Variants in PAK5 observed in about 807,000 individuals in gnomAD.
The protein encoded by PAK5 is p21 (RAC1) activated kinase 5.
In PAK5, 16 loss-of-function variants were observed where a neutral mutation model predicts 65.9. That is an observed-to-expected ratio of 0.24 (90% CI 0.16 to 0.37). The LOEUF is 0.37. PAK5 is among the 10% of genes least tolerant of loss of function. PAK5 has a pLI of 1.00. For missense variants in PAK5, 785 were observed against 903.9 expected (o/e 0.87, Z 1.69); for synonymous variants, 371 against 354.9 (o/e 1.05, Z -0.51).
chr20:9,699,761 A>T (rs903698703), intron 2 of PAK5, among the ~76,000 whole-genome samples: 2 of 152,016 alleles, frequency 1.3e-5, no homozygotes, highest in African/African-American at 2.4e-5. Context: ...AAAGTGAAAT[A>T]TCGTGTCACA....
At chr20:9,796,355 C>T (rs998465854) in intron 1 of PAK5, among the ~76,000 whole-genome samples, 1 of 151,842 alleles carries the variant, frequency 6.6e-6, no homozygotes, top group Non-Finnish European at 1.5e-5. Flanking sequence ...TGAAAAAAAG[C>T]CAGGCTGCAA....
chr20:9,630,564 T>C (rs371274190), intron 3 of PAK5, among the ~76,000 whole-genome samples: 1 of 152,220 alleles, frequency 6.6e-6, no homozygotes, highest in Non-Finnish European at 1.5e-5. Flanking sequence ...TCAGGAATAC[T>C]GGCCACTTGG....
chr20:9,692,139 T>G (rs915100262), intron 2 of PAK5, among the ~76,000 whole-genome samples: 2 of 152,228 alleles, frequency 1.3e-5, no homozygotes, highest in Non-Finnish European at 2.9e-5. Flanking sequence ...CTCACTCTGA[T>G]AGAGTACTTG....
chr20:9,587,980 G>A (rs565169863), intron 3 of PAK5, among the ~76,000 whole-genome samples: 4 of 152,060 alleles, frequency 2.6e-5, no homozygotes, highest in East Asian at 3.9e-4. Context: ...CGCTAAGTAC[G>A]TTTACACTAT....
At chr20:9,833,752 A>C (rs1978927801) in intron 1 of PAK5, among the ~76,000 whole-genome samples, 1 of 152,238 alleles carries the variant, frequency 6.6e-6, no homozygotes, top group African/African-American at 2.4e-5. Context: ...TAACCGTTTC[A>C]TAATATTCAT....
At chr20:9,781,873 T>C (rs1015013580) in intron 1 of PAK5, among the ~76,000 whole-genome samples, 1 of 152,156 alleles carries the variant, frequency 6.6e-6, no homozygotes, top group Admixed American at 6.5e-5. Context: ...TATAAATGTA[T>C]TGGAACAGGT....
At chr20:9,771,125 T>C (rs1600353330) in intron 1 of PAK5, among the ~76,000 whole-genome samples, 1 of 152,316 alleles carries the variant, frequency 6.6e-6, no homozygotes, top group Middle Eastern at 3.4e-3. Flanking sequence ...GGAAAGCTCC[T>C]ATAATTTATC....
At chr20:9,629,134 TG>T (rs1425706188) in intron 3 of PAK5, among the ~76,000 whole-genome samples, 1 of 152,002 alleles carries the variant, frequency 6.6e-6, no homozygotes, top group East Asian at 1.9e-4. Context: ...GGGAAGGCAG[TG>T]GGGAATGTAG....
chr20:9,673,462 G>A (rs994977283), intron 2 of PAK5, among the ~76,000 whole-genome samples: 1 of 152,158 alleles, frequency 6.6e-6, no homozygotes, highest in Admixed American at 6.6e-5. Flanking sequence ...TGAGACTGCA[G>A]AGTTAATTTT....
At chr20:9,775,637 C>T (rs2048879828) in intron 1 of PAK5, among the ~76,000 whole-genome samples, 1 of 152,126 alleles carries the variant, frequency 6.6e-6, no homozygotes. Context: ...ATTAATGCAC[C>T]TTAACCAAGG....
At chr20:9,593,191 CTAT>C (rs1377532361) in intron 3 of PAK5, among the ~76,000 whole-genome samples, 1 of 151,912 alleles carries the variant, frequency 6.6e-6, no homozygotes, top group Non-Finnish European at 1.5e-5. Context: ...GTGGTCCCAG[CTAT>C]TCAAGAGGCT....
At chr20:9,613,374 TG>T (rs1165453398) in intron 3 of PAK5, among the ~76,000 whole-genome samples, 1 of 152,126 alleles carries the variant, frequency 6.6e-6, no homozygotes, top group Non-Finnish European at 1.5e-5. Flanking sequence ...GAACTGTCCA[TG>T]GGAACCAGTA....
intron 3 of PAK5, among the ~76,000 whole-genome samples, chr20:9,603,419 A>C (rs2046394905): frequency 6.6e-6 from 1 of 152,228 alleles, no homozygotes; most frequent in Admixed American, 6.5e-5. Context: ...TCATTCCCTG[A>C]AGACTCCAAG....
intron 2 of PAK5, among the ~76,000 whole-genome samples, chr20:9,685,519 G>T (rs1169922364): frequency 6.6e-6 from 1 of 152,160 alleles, no homozygotes; most frequent in Non-Finnish European, 1.5e-5. Context: ...TAGAATTTAG[G>T]AGAAATATGT....
At chr20:9,605,949 T>G (rs1017775870) in intron 3 of PAK5, among the ~76,000 whole-genome samples, 2 of 152,036 alleles carry the variant, frequency 1.3e-5, no homozygotes, top group Admixed American at 6.6e-5. Flanking sequence ...TGAAGAGAAT[T>G]TAGACAGACT....
intron 1 of PAK5, among the ~76,000 whole-genome samples, chr20:9,755,553 C>T (rs1400458625): frequency 6.6e-6 from 1 of 152,156 alleles, no homozygotes; most frequent in Non-Finnish European, 1.5e-5. Flanking sequence ...AACCATGATT[C>T]AGCCATGCAT....
chr20:9,751,285 A>G (rs1372904081), intron 1 of PAK5, among the ~76,000 whole-genome samples: 6 of 152,138 alleles, frequency 3.9e-5, no homozygotes, highest in Non-Finnish European at 7.4e-5. Flanking sequence ...GCTTTGCAAT[A>G]TTCAAATTCC....
intron 2 of PAK5, among the ~76,000 whole-genome samples, chr20:9,677,897 T>C (rs538686125): frequency 6.6e-6 from 1 of 152,356 alleles, no homozygotes; most frequent in South Asian, 2.1e-4. Flanking sequence ...TAGGTCTTGT[T>C]ATTTAATGTG....
intron 1 of PAK5, among the ~76,000 whole-genome samples, chr20:9,747,205 C>T (rs1195003805): frequency 6.6e-6 from 1 of 152,114 alleles, no homozygotes; most frequent in Non-Finnish European, 1.5e-5. Context: ...AGCTTACCAA[C>T]TAAAAAGAGT....
Sources: gnomAD v4.1 joint callset for allele counts (sites outside exome capture counted in the v4.1 genomes callset) on GRCh38, gnomAD v4.1.1 for gene constraint, MANE v1.5 for transcripts, NCBI Gene and HGNC (gene_info 2026-07-23, HGNC 2026-07-21) for gene names.